SLC9A9: variants seen among roughly 807,000 people sequenced by gnomAD.
SLC9A9 encodes the protein solute carrier family 9 member A9.
A neutral mutation model predicts 77.8 loss-of-function variants in SLC9A9; 62 were observed. The observed-to-expected ratio is 0.80, with a 90% CI of 0.65 to 0.98. The LOEUF (loss-of-function observed/expected upper bound fraction) is 0.98. Ranked by LOEUF, SLC9A9 falls within the 50% of genes least tolerant of loss-of-function variation. The pLI is 0.00. For missense variants in SLC9A9, 775 were observed against 774.9 expected (o/e 1.00, Z 0.00); for synonymous variants, 320 against 283.5 (o/e 1.13, Z -1.29).
chr3:143,825,459 T>A (rs1437270787), intron 2 of SLC9A9, among the ~76,000 whole-genome samples: 1 of 152,006 alleles, frequency 6.6e-6, no homozygotes, highest in Non-Finnish European at 1.5e-5. Flanking sequence ...CTACAAAAAA[T>A]TAATTATTTA....
chr3:143,547,378 C>T (rs2036807389), intron 9 of SLC9A9, among the ~76,000 whole-genome samples: 2 of 152,224 alleles, frequency 1.3e-5, no homozygotes, highest in South Asian at 2.1e-4. Flanking sequence ...AACAGCTCCA[C>T]TTTGACTAAT....
intron 9 of SLC9A9, among the ~76,000 whole-genome samples, chr3:143,514,120 T>A (rs980490796): frequency 6.6e-6 from 1 of 152,162 alleles, no homozygotes; most frequent in South Asian, 2.1e-4. Context: ...CTTACAATAG[T>A]TTGCTAAGAA....
chr3:143,547,137 C>T (rs1434529153), intron 9 of SLC9A9, among the ~76,000 whole-genome samples: 1 of 152,200 alleles, frequency 6.6e-6, no homozygotes, highest in African/African-American at 2.4e-5. Flanking sequence ...CTTTCAGGCT[C>T]ATTTGCTGAT....
chr3:143,516,374 A>G (rs2036203342), intron 9 of SLC9A9, among the ~76,000 whole-genome samples: 1 of 151,872 alleles, frequency 6.6e-6, no homozygotes, highest in Admixed American at 6.6e-5. Context: ...ATTTTTTGCT[A>G]AATTCTGCAT....
intron 12 of SLC9A9, among the ~76,000 whole-genome samples, chr3:143,395,753 A>C (rs1386307646): frequency 6.6e-6 from 1 of 152,214 alleles, no homozygotes; most frequent in Non-Finnish European, 1.5e-5. Context: ...AATTTACAAG[A>C]AAAAAACAAA....
At chr3:143,452,356 A>G (rs914175105) in intron 12 of SLC9A9, among the ~76,000 whole-genome samples, 10 of 152,032 alleles carry the variant, frequency 6.6e-5, no homozygotes, top group African/African-American at 2.4e-4. Flanking sequence ...CCTAATTTCT[A>G]GTTTACAGGA....
At chr3:143,416,238 G>A in intron 12 of SLC9A9, among the ~76,000 whole-genome samples, 1 of 152,222 alleles carries the variant, frequency 6.6e-6, no homozygotes, top group South Asian at 2.1e-4. Flanking sequence ...AACAAAAAAG[G>A]GTTTAGTATA....
At chr3:143,775,658 G>A (rs1407777774) in intron 4 of SLC9A9, among the ~76,000 whole-genome samples, 3 of 152,296 alleles carry the variant, frequency 2.0e-5, no homozygotes, top group Middle Eastern at 3.4e-3. Flanking sequence ...ATTTTGGAAC[G>A]GAACTTTAGC....
At chr3:143,421,176 A>G (rs1465742058) in intron 12 of SLC9A9, among the ~76,000 whole-genome samples, 1 of 152,168 alleles carries the variant, frequency 6.6e-6, no homozygotes, top group Non-Finnish European at 1.5e-5. Context: ...AATGGATTGG[A>G]AGAATATTAA....
intron 6 of SLC9A9, among the ~76,000 whole-genome samples, chr3:143,623,775 T>A (rs978076397): frequency 1.3e-5 from 2 of 151,918 alleles, no homozygotes; most frequent in Non-Finnish European, 2.9e-5. Context: ...AGAGCAGAAC[T>A]GAAGGAAATA....
intron 12 of SLC9A9, among the ~76,000 whole-genome samples, chr3:143,423,070 A>G (rs1431170201): frequency 6.6e-6 from 1 of 152,154 alleles, no homozygotes; most frequent in Admixed American, 6.5e-5. Flanking sequence ...TTTCACTGCC[A>G]GAGAAGGGAG....
intron 1 of SLC9A9, among the ~76,000 whole-genome samples, chr3:143,839,479 G>C (rs1267360427): frequency 6.9e-6 from 1 of 145,504 alleles, no homozygotes; most frequent in Non-Finnish European, 1.5e-5. Context: ...ATCCATCCTT[G>C]GTTCCCAACA....
intron 5 of SLC9A9, among the ~76,000 whole-genome samples, chr3:143,665,318 TG>T (rs2039046436): frequency 6.6e-6 from 1 of 152,184 alleles, no homozygotes; most frequent in Non-Finnish European, 1.5e-5. Context: ...CCAGAATCTC[TG>T]GGACACATTT....
At chr3:143,819,627 A>G (rs2108879661) in intron 2 of SLC9A9, among the ~76,000 whole-genome samples, 1 of 152,350 alleles carries the variant, frequency 6.6e-6, no homozygotes, top group Middle Eastern at 3.4e-3. Context: ...GTAAATAAAA[A>G]AAAAATTTCC....
At position 143,552,538 on chromosome 3, in the gene SLC9A9, T is replaced by G. The variant is rs895164366; in HGVS notation, c.1001-88A>C. The G allele has an allele frequency of 7.2e-5, 78 of 1,081,978 alleles. No individual in the cohort carries two copies. The East Asian group carries it at 1.7e-3, about 23-fold the overall frequency. 67.0% of individuals were successfully genotyped at this position (1,081,978 alleles called of 1,614,324 possible). A position where few individuals can be genotyped will look rare whatever the true frequency, so the allele number is the denominator to read the frequency against. On this transcript the variant is annotated intron_variant, in intron 8 of 15. Transcript: ENST00000316549. The stretch of plus-strand genomic sequence containing the variant: ...GGGCTATTCCAGTTGGAAAATAGAC[T>G]TGGTGTCAGTAGAGTTAAAACTGCT...
chr3:143,370,771 C>A (rs2033042436), intron 13 of SLC9A9, among the ~76,000 whole-genome samples: 1 of 151,996 alleles, frequency 6.6e-6, no homozygotes, highest in South Asian at 2.1e-4. Flanking sequence ...TGTCTCCCTA[C>A]AAAACCACTT....
At chr3:143,396,485 C>G (rs1846960) in intron 12 of SLC9A9, among the ~76,000 whole-genome samples, 26,598 of 152,092 alleles carry the variant, frequency 0.17, 2,687 homozygotes, top group Middle Eastern at 0.25. Flanking sequence ...GGAGATATAC[C>G]TAATGTAAAT....
At chr3:143,813,111 G>T (rs72993357) in intron 2 of SLC9A9, among the ~76,000 whole-genome samples, 18,559 of 151,974 alleles carry the variant, frequency 0.12, 2,809 homozygotes, top group African/African-American at 0.36. Context: ...TCTCGGTGCT[G>T]GTTTCATATC....
intron 11 of SLC9A9, among the ~76,000 whole-genome samples, chr3:143,468,561 A>T (rs946753827): frequency 6.6e-6 from 1 of 152,194 alleles, no homozygotes; most frequent in Non-Finnish European, 1.5e-5. Context: ...TAGCTATTCT[A>T]GTTATTTTGC....
Sources: gnomAD v4.1 joint callset for allele counts (sites outside exome capture counted in the v4.1 genomes callset) on GRCh38, gnomAD v4.1.1 for gene constraint, MANE v1.5 for transcripts, NCBI Gene and HGNC (gene_info 2026-07-23, HGNC 2026-07-21) for gene names.